The following KANSL2 variants were observed in gnomAD, a reference collection of about 807,000 sequenced individuals.
The protein encoded by KANSL2 is NSL complex protein NSL2.
KANSL2 carries 34 observed loss-of-function variants against 55.6 expected under a neutral mutation model. That is an observed-to-expected ratio of 0.61 (90% CI 0.46 to 0.81). KANSL2 has a LOEUF of 0.81. Among genes scored for constraint, KANSL2 ranks in the 40% least tolerant of loss-of-function variants. The pLI, the probability that KANSL2 is intolerant of heterozygous loss-of-function variation, is 0.00. For missense variants in KANSL2, 502 were observed against 609.9 expected, an observed-to-expected ratio of 0.82 and a Z score of 1.86; for synonymous variants, 209 against 214.3, an observed-to-expected ratio of 0.98 and a Z score of 0.22.
At chr12:48,672,664 G>A (rs775584439) in intron 4 of KANSL2, among the ~76,000 whole-genome samples, 9 of 151,576 alleles carry the variant, frequency 5.9e-5, no homozygotes, top group Non-Finnish European at 8.8e-5. Flanking sequence ...GGGTTTAAGC[G>A]ATGCTCCCGC....
Position 48,679,089 on chromosome 12 carries a change from A to G in KANSL2, c.492T>C (p.Gly164=). 3.1e-6 allele frequency: 5 copies of G among 1,613,756 alleles called. No individual in the cohort carries two copies. Among genetic ancestry groups the G allele is most frequent in the Non-Finnish European group, 4.2e-6 (5 of 1,179,838 alleles). The part of the protein sequence containing the change: ...EPITVDQTWR[G]DPDSEADSID... Reference sequence around the variant, plus strand: ...TGCTATCAGCTTCACTGTCAGGGTCACCTCTCCATGTCTGATCCACAGTAA... The same window carrying G: ...TGCTATCAGCTTCACTGTCAGGGTCGCCTCTCCATGTCTGATCCACAGTAA... The change falls in exon 4 of 10, where the codon GGT becomes GGC. Residue 164 remains glycine (G), a synonymous_variant. Transcript: ENST00000420613.
At chr12:48,677,919 T>C (rs1565609827) in intron 4 of KANSL2, among the ~76,000 whole-genome samples, 1 of 151,424 alleles carries the variant, frequency 6.6e-6, no homozygotes, top group South Asian at 2.1e-4. Context: ...ACTTCCTGAA[T>C]AGTTGACCAC....
chr12:48,663,132 C>G (rs1177031483), intron 7 of KANSL2, among the ~76,000 whole-genome samples: 1 of 152,152 alleles, frequency 6.6e-6, no homozygotes, highest in East Asian at 1.9e-4. Context: ...TATTCTCCAG[C>G]TCTAAAAATG....
chr12:48,661,565 A>C (rs1939488011), intron 7 of KANSL2, among the ~76,000 whole-genome samples: 1 of 152,252 alleles, frequency 6.6e-6, no homozygotes, highest in Non-Finnish European at 1.5e-5. Flanking sequence ...AATTTTTCTT[A>C]AACTGATAGT....
At chr12:48,672,532 G>C (rs1939745401) in intron 4 of KANSL2, among the ~76,000 whole-genome samples, 2 of 149,388 alleles carry the variant, frequency 1.3e-5, no homozygotes, top group African/African-American at 4.9e-5. Flanking sequence ...CTGGGCTCAA[G>C]CGATCCTCCC....
At chr12:48,664,881 T>A (rs1422889705) in intron 7 of KANSL2, among the ~76,000 whole-genome samples, 1 of 132,380 alleles carries the variant, frequency 7.6e-6, no homozygotes, top group Non-Finnish European at 1.6e-5. Context: ...TGCGCCCGCT[T>A]TTTTTTTTTT....
rs779073889 is a variant in KANSL2 at position 48,679,073 on chromosome 12, C to A, written c.508G>T (p.Ala170Ser). ...TCTTGATCACTGTCTATGCTATCAGCTTCACTGTCAGGGTCACCTCTCCAT... is the reference window on the plus strand; with the variant it reads ...TCTTGATCACTGTCTATGCTATCAGATTCACTGTCAGGGTCACCTCTCCAT... ...QTWRGDPDSE[A>S]DSIDSDQEDP... The change falls in exon 4 of 10, where the codon GCT becomes TCT. Residue 170 changes from alanine to serine, a missense_variant. Ala to Ser is a moderately conservative substitution (Grantham distance 99). Coordinates refer to ENST00000420613, the MANE Select transcript of KANSL2 (RefSeq NM_017822.4). 12 of 1,613,842 alleles carry A rather than the reference C, an allele frequency of 7.4e-6. No individual in the cohort carries two copies. Among genetic ancestry groups the A allele is most frequent in the Non-Finnish European group, 7.6e-6 (9 of 1,179,796 alleles).
chr12:48,659,810 G>T (rs768818891), intron 8 of KANSL2, among the ~76,000 whole-genome samples: 2 of 152,096 alleles, frequency 1.3e-5, no homozygotes, highest in South Asian at 4.1e-4. Context: ...TATTAATTCA[G>T]TCACAAAAAG....
intron 7 of KANSL2, among the ~76,000 whole-genome samples, chr12:48,664,497 C>T (rs1939551581): frequency 6.6e-6 from 1 of 151,540 alleles, no homozygotes. Flanking sequence ...CCAGGATGGT[C>T]TCGACCTCCT....
intron 4 of KANSL2, among the ~76,000 whole-genome samples, chr12:48,677,173 G>A (rs1939836457): frequency 6.6e-6 from 1 of 152,112 alleles, no homozygotes; most frequent in African/African-American, 2.4e-5. Flanking sequence ...CCTAATAGCT[G>A]ACCATATTTG....
In KANSL2 at chr12:48,653,401, T is replaced by C. The variant is rs1939319448; in HGVS notation, c.*643A>G. On this transcript the variant is annotated 3_prime_UTR_variant, in exon 10 of 10. Transcript: ENST00000420613. ...AGAAACTATATTCTCAAACAAAACATGCATTCAATTCAGGTGACTGTTTGA... is the reference window on the plus strand; with the variant it reads ...AGAAACTATATTCTCAAACAAAACACGCATTCAATTCAGGTGACTGTTTGA... The C allele has an allele frequency of 6.6e-6, 1 of 152,632 alleles. No individual in the cohort carries two copies. The highest frequency in any genetic ancestry group is 2.1e-4 in the South Asian group (1 of 4,830). 9.5% of individuals were successfully genotyped at this position (152,632 alleles called of 1,614,324 possible).
At chr12:48,666,050 A>G (rs1451945774) in intron 7 of KANSL2, among the ~76,000 whole-genome samples, 1 of 151,990 alleles carries the variant, frequency 6.6e-6, no homozygotes, top group Non-Finnish European at 1.5e-5. Flanking sequence ...ACCTCTCTAC[A>G]AAAATTAAAT....
At chr12:48,658,923 G>T (rs1466673744) in intron 8 of KANSL2, among the ~76,000 whole-genome samples, 5 of 152,198 alleles carry the variant, frequency 3.3e-5, no homozygotes, top group Non-Finnish European at 2.9e-5. Context: ...CAAATATCCA[G>T]AATGAACGGC....
rs1372354893 is a variant in KANSL2 at position 48,654,105 on chromosome 12, G to A, written c.1418C>T (p.Pro473Leu). 6.2e-7 allele frequency: 1 copy of A among 1,612,802 alleles called. No homozygotes were observed. Among genetic ancestry groups the A allele is most frequent in the African/African-American group, 1.3e-5 (1 of 74,998 alleles). ...AGTAGCCAATCCACTCTGAGACAATGGTGCAGAGGCTTTCTCAGAATTTCG... is the reference window on the plus strand; with the variant it reads ...AGTAGCCAATCCACTCTGAGACAATAGTGCAGAGGCTTTCTCAGAATTTCG... Reference protein sequence around the residue: ...GSRNSEKASAPLSQSGLATAN... With the variant: ...GSRNSEKASALLSQSGLATAN... Residue 473 changes from proline to leucine, a missense_variant, in exon 10 of 10, where the codon CCA (proline) becomes CTA (leucine). Transcript: ENST00000420613.
chr12:48,669,151 C>T lies in KANSL2; in HGVS notation c.831G>A (p.Gln277=). 6 of 1,551,182 alleles carry T rather than the reference C, an allele frequency of 3.9e-6. No homozygotes were observed. The highest frequency in any genetic ancestry group is 5.2e-6 in the Non-Finnish European group (6 of 1,146,778). The change falls in exon 6 of 10, where the codon CAG becomes CAA. Residue 277 remains glutamine (Q), a synonymous_variant. Coordinates refer to ENST00000420613, the MANE Select transcript of KANSL2 (RefSeq NM_017822.4). The part of the protein sequence containing the change: ...RYGVEALLHR[Q]LKERRMLATD... ...TGGCCAGCATTCTCCGTTCCTTCAA[C>T]TGCCTATGCAGTAAGGCTTCCACTC... is the stretch of plus-strand genomic sequence containing the variant.
At chr12:48,663,646 T>A (rs147096705) in intron 7 of KANSL2, among the ~76,000 whole-genome samples, 14 of 152,282 alleles carry the variant, frequency 9.2e-5, no homozygotes, top group African/African-American at 3.4e-4. Flanking sequence ...TTTTCTCTTA[T>A]GATTTTCTTA....
intron 7 of KANSL2, among the ~76,000 whole-genome samples, chr12:48,663,913 CTTTT>C (rs34879709): frequency 1.8e-5 from 2 of 112,542 alleles, no homozygotes; most frequent in Non-Finnish European, 3.6e-5. Context: ...AACTATTAGC[CTTTT>C]TTTTTTTTTT....
rs141832351 is a variant in KANSL2, at chr12:48,662,638, G to A, written c.974-2019C>T. On this transcript the variant is annotated intron_variant, in intron 7 of 9. Coordinates refer to ENST00000420613, the MANE Select transcript of KANSL2 (RefSeq NM_017822.4). The stretch of plus-strand genomic sequence containing the variant: ...AGTAAAGAGTTAACAGGTCACCAAT[G>A]GCAGTCGCATCTTTCTCTGGGATAA... 1.3e-4 allele frequency: 171 copies of A among 1,287,480 alleles called. No homozygotes were observed. The African/African-American group carries it at 1.9e-3, about 14-fold the overall frequency. The allele number at this position is 1,287,480 out of a possible 1,614,324, so 79.8% of individuals were successfully genotyped here. A position where few individuals can be genotyped will look rare whatever the true frequency, so the allele number is the denominator to read the frequency against.
At chr12:48,661,168 T>G in intron 7 of KANSL2, 1 of 823,528 alleles carries the variant, frequency 1.2e-6, no homozygotes, top group Non-Finnish European at 1.5e-6. Context: ...AGGTATCATA[T>G]CCTAACAAGA....
Sources: allele counts gnomAD v4.1 joint callset (sites outside exome capture counted in the v4.1 genomes callset), GRCh38; gene constraint gnomAD v4.1.1; transcripts MANE v1.5; gene names NCBI Gene and HGNC (gene_info 2026-07-23, HGNC 2026-07-21).